MSH3: variants seen among roughly 807,000 people sequenced by gnomAD.
The protein encoded by MSH3 is DNA mismatch repair protein Msh3.
In MSH3, 106 loss-of-function variants were observed where a neutral mutation model predicts 123.3. The observed-to-expected ratio is 0.86, with a 90% CI of 0.73 to 1.01. The LOEUF (loss-of-function observed/expected upper bound fraction) is 1.01, where lower values mean the gene tolerates loss of function less well. Among genes scored for constraint, MSH3 ranks in the 50% least tolerant of loss-of-function variants. The pLI is 0.00. For synonymous variants in MSH3, 515 were observed against 481.4 expected (o/e 1.07, Z -0.91); for missense variants, 1,459 against 1,347.6 (o/e 1.08, Z -1.29).
intron 8 of MSH3, among the ~76,000 whole-genome samples, chr5:80,710,318 C>T (rs1314687273): frequency 6.6e-6 from 1 of 152,200 alleles, no homozygotes; most frequent in African/African-American, 2.4e-5. Flanking sequence ...TGTCATACAG[C>T]CTCTCAGGAA....
intron 8 of MSH3, among the ~76,000 whole-genome samples, chr5:80,709,442 G>A (rs973327865): frequency 2.0e-5 from 3 of 152,132 alleles, no homozygotes; most frequent in Non-Finnish European, 4.4e-5. Flanking sequence ...CTAACATGGT[G>A]AAACTCCGTC....
At chr5:80,845,698 A>G (rs1745707773) in intron 20 of MSH3, among the ~76,000 whole-genome samples, 1 of 152,038 alleles carries the variant, frequency 6.6e-6, no homozygotes, top group South Asian at 2.1e-4. Flanking sequence ...CAAATCGGCT[A>G]TTGAAGATTG....
chr5:80,665,688 C>T (rs1749554358), intron 3 of MSH3, among the ~76,000 whole-genome samples: 1 of 152,134 alleles, frequency 6.6e-6, no homozygotes, highest in Non-Finnish European at 1.5e-5. Context: ...TACAGTCTTC[C>T]TTAGAGTTTC....
At chr5:80,846,886 C>T (rs919611843) in intron 20 of MSH3, among the ~76,000 whole-genome samples, 3 of 152,186 alleles carry the variant, frequency 2.0e-5, no homozygotes, top group African/African-American at 7.2e-5. Context: ...GAGGCAACGC[C>T]CTGCCCTGTT....
At chr5:80,663,976 C>G (rs1312454796) in intron 2 of MSH3, among the ~76,000 whole-genome samples, 1 of 152,160 alleles carries the variant, frequency 6.6e-6, no homozygotes, top group Non-Finnish European at 1.5e-5. Flanking sequence ...GTCCCAGTTC[C>G]TTTACATTTA....
intron 8 of MSH3, among the ~76,000 whole-genome samples, chr5:80,707,211 GTTCATTCCTTT>G: frequency 6.6e-6 from 1 of 152,320 alleles, no homozygotes; most frequent in South Asian, 2.1e-4. Flanking sequence ...TGTATCAGTA[GTTCATTCCTTT>G]TTCTCACTCA....
chr5:80,684,291 T>C (rs1276935756), intron 8 of MSH3, among the ~76,000 whole-genome samples: 7 of 151,804 alleles, frequency 4.6e-5, no homozygotes, highest in African/African-American at 1.4e-4. Context: ...ATGTTTGAAC[T>C]ATTCTTCCAA....
chr5:80,866,562 C>A (rs1270237253), intron 22 of MSH3, among the ~76,000 whole-genome samples: 2 of 152,220 alleles, frequency 1.3e-5, no homozygotes, highest in African/African-American at 4.8e-5. Context: ...CAACTACTTT[C>A]AACACTTCCC....
chr5:80,701,193 C>T (rs770457767), intron 8 of MSH3, among the ~76,000 whole-genome samples: 21 of 151,722 alleles, frequency 1.4e-4, no homozygotes, highest in Non-Finnish European at 2.4e-4. Context: ...GGAAACAGTA[C>T]GAGTTGCAAG....
rs116542227 is a variant in MSH3, at chr5:80,700,589, T to C, written c.1340+21496T>C. Among the ~76,000 whole-genome samples, 793 of 152,296 alleles carry C rather than the reference T, an allele frequency of 5.2e-3. 4 individuals are homozygous for C. The highest frequency in any genetic ancestry group is 0.017 in the Middle Eastern group (5 of 294). On this transcript the variant is annotated intron_variant, in intron 8 of 23. Coordinates refer to ENST00000265081, the MANE Select transcript of MSH3 (RefSeq NM_002439.5). The stretch of plus-strand genomic sequence containing the variant: ...GGTTTTTTTTTTAGTCCTGATACTT[T>C]TTGTATATCTAGCTAGCAATTTTAA...
rs561687860 is a variant in MSH3 at position 80,753,806 on chromosome 5, A to G, written c.1764-7740A>G. ...TTCAGTTTTAAACGTGTAGCTTCCAACGTCATCTTGAGAACTGATATTCAG... is the reference window on the plus strand; with the variant it reads ...TTCAGTTTTAAACGTGTAGCTTCCAGCGTCATCTTGAGAACTGATATTCAG... On this transcript the variant is annotated intron_variant, in intron 12 of 23. Transcript: ENST00000265081. Among the ~76,000 whole-genome samples the G allele has an allele frequency of 5.3e-5, 8 of 152,280 alleles. No homozygotes were observed. The South Asian group carries it at 8.3e-4, about 16-fold the overall frequency.
intron 8 of MSH3, among the ~76,000 whole-genome samples, chr5:80,694,928 TTTAA>T (rs1343549231): frequency 1.3e-5 from 2 of 151,068 alleles, no homozygotes; most frequent in East Asian, 1.9e-4. Flanking sequence ...TTTTTAGAAG[TTTAA>T]TTATGTGTCA....
At chr5:80,794,010 A>G (rs1744652723) in intron 19 of MSH3, among the ~76,000 whole-genome samples, 1 of 152,146 alleles carries the variant, frequency 6.6e-6, no homozygotes, top group Admixed American at 6.5e-5. Flanking sequence ...GAACAGGGAA[A>G]GGGAATGAGC....
chr5:80,672,806 C>A lies in MSH3; in HGVS notation c.975C>A (p.Leu325=), dbSNP rs1580552284. Residue 325 remains leucine, a synonymous_variant, in exon 6 of 24, where the codon CTC becomes CTA. Coordinates refer to ENST00000265081, the MANE Select transcript of MSH3 (RefSeq NM_002439.5). ...LKAIGDNRSS[L]FSRKLTALYT... Reference sequence around the variant, plus strand: ...CCATTGGAGACAACAGAAGTTCACTCTTTTCCCGGAAATTGACTGCCCTTT... The same window carrying A: ...CCATTGGAGACAACAGAAGTTCACTATTTTCCCGGAAATTGACTGCCCTTT... 5 of 1,614,172 alleles carry A rather than the reference C, an allele frequency of 3.1e-6. No homozygotes were observed. In the East Asian group the frequency reaches 1.1e-4, roughly 36 times the overall value.
chr5:80,823,079 A>T (rs1745230731), intron 20 of MSH3, among the ~76,000 whole-genome samples: 1 of 152,212 alleles, frequency 6.6e-6, no homozygotes. Flanking sequence ...ATATGTGAAA[A>T]AGAGCCAGTT....
At chr5:80,696,705 A>G (rs1307611731) in intron 8 of MSH3, among the ~76,000 whole-genome samples, 1 of 152,128 alleles carries the variant, frequency 6.6e-6, no homozygotes, top group African/African-American at 2.4e-5. Flanking sequence ...ACATATCTCC[A>G]TTCCTTCTTC....
chr5:80,785,400 C>T (rs929748430), intron 17 of MSH3, among the ~76,000 whole-genome samples: 5 of 152,120 alleles, frequency 3.3e-5, no homozygotes, highest in African/African-American at 4.8e-5. Flanking sequence ...ATCAAAACCA[C>T]AATGAGATAC....
At chr5:80,844,898 A>G (rs2112095509) in intron 20 of MSH3, among the ~76,000 whole-genome samples, 1 of 152,304 alleles carries the variant, frequency 6.6e-6, no homozygotes, top group South Asian at 2.1e-4. Context: ...TAGCCCATTT[A>G]CATTTAAGGT....
At chr5:80,802,837 T>A (rs1345722322) in intron 19 of MSH3, among the ~76,000 whole-genome samples, 1 of 152,222 alleles carries the variant, frequency 6.6e-6, no homozygotes, top group Non-Finnish European at 1.5e-5. Context: ...TATCACTTTG[T>A]GGCTGGCTTA....
Sources: gnomAD v4.1 joint callset for allele counts (sites outside exome capture counted in the v4.1 genomes callset) on GRCh38, gnomAD v4.1.1 for gene constraint, MANE v1.5 for transcripts, NCBI Gene and HGNC (gene_info 2026-07-23, HGNC 2026-07-21) for gene names.